Variants in ASTN2 observed in about 807,000 individuals in gnomAD.
The protein encoded by ASTN2 is astrotactin 2.
A neutral mutation model predicts 139.8 loss-of-function variants in ASTN2; 54 were observed. The ratio of observed to expected loss-of-function variants is 0.39; its 90% CI spans 0.31 to 0.48. The LOEUF (loss-of-function observed/expected upper bound fraction) is 0.48, where lower values mean the gene tolerates loss of function less well. Ranked by LOEUF, ASTN2 falls within the 20% of genes least tolerant of loss-of-function variation. ASTN2 has a pLI of 0.95. For missense variants in ASTN2, 1,565 were observed against 1,725.1 expected, an observed-to-expected ratio of 0.91 and a Z score of 1.64; for synonymous variants, 756 against 719.5, an observed-to-expected ratio of 1.05 and a Z score of -0.81.
chr9:116,435,362 A>T (rs1333250926), intron 22 of ASTN2, among the ~76,000 whole-genome samples: 1 of 152,210 alleles, frequency 6.6e-6, no homozygotes, highest in Non-Finnish European at 1.5e-5. Context: ...TGAAAGGCAG[A>T]GCAAATGTAT....
At chr9:116,492,533 G>A (rs1385927331) in intron 19 of ASTN2, among the ~76,000 whole-genome samples, 2 of 152,176 alleles carry the variant, frequency 1.3e-5, no homozygotes, top group Non-Finnish European at 2.9e-5. Context: ...AACAGGAGGA[G>A]ATTTGGAACA....
intron 10 of ASTN2, among the ~76,000 whole-genome samples, chr9:116,967,582 TGCACACATATGCACACATAACACGCATGC>T (rs1836050121): frequency 6.6e-6 from 1 of 152,228 alleles, no homozygotes; most frequent in African/African-American, 2.4e-5. Context: ...CTACAATGTG[TGCACACATATGCACACATAACACGCATGC>T]ACTCATTAAT....
chr9:116,453,929 C>T (rs1333394939), intron 20 of ASTN2, among the ~76,000 whole-genome samples: 1 of 152,194 alleles, frequency 6.6e-6, no homozygotes, highest in Admixed American at 6.5e-5. Context: ...ACAATTTACA[C>T]ACTAGGCACT....
At chr9:117,366,464 C>T (rs991255339) in intron 1 of ASTN2, among the ~76,000 whole-genome samples, 5 of 152,066 alleles carry the variant, frequency 3.3e-5, no homozygotes, top group African/African-American at 4.8e-5. Context: ...GGACTTTCTC[C>T]AAGATTACCC....
chr9:116,625,231 C>T (rs1350543988), intron 17 of ASTN2, among the ~76,000 whole-genome samples: 1 of 152,116 alleles, frequency 6.6e-6, no homozygotes, highest in African/African-American at 2.4e-5. Flanking sequence ...GAGTTCGAGA[C>T]CAGCCTGGCC....
At chr9:117,246,670 A>G (rs1833391655) in intron 2 of ASTN2, among the ~76,000 whole-genome samples, 1 of 152,214 alleles carries the variant, frequency 6.6e-6, no homozygotes, top group South Asian at 2.1e-4. Flanking sequence ...AAAGGAGAGT[A>G]TGGGGTGTCT....
intron 16 of ASTN2, among the ~76,000 whole-genome samples, chr9:116,690,747 C>CT (rs1249537266): frequency 2.0e-5 from 3 of 152,134 alleles, no homozygotes; most frequent in Non-Finnish European, 4.4e-5. Context: ...GGACAGGCTA[C>CT]TTTCTCTGAG....
chr9:116,509,673 G>A lies in ASTN2; in HGVS notation c.3356-22173C>T, dbSNP rs536479006. Among the ~76,000 whole-genome samples the A allele has an allele frequency of 8.7e-4, 130 of 150,270 alleles. 1 individual carries two copies. Among genetic ancestry groups the A allele is most frequent in the Non-Finnish European group, 1.5e-3 (99 of 66,918 alleles). ...CTCCACATCCTCTCCAGCACCTGTT[G>A]TTTTCTGACTTTTTAATGATTGCCA... is the stretch of plus-strand genomic sequence containing the variant. On this transcript the variant is annotated intron_variant, in intron 19 of 22. Coordinates refer to ENST00000313400, the MANE Select transcript of ASTN2 (RefSeq NM_001365068.1).
At chr9:116,657,973 C>T (rs1462439721) in intron 16 of ASTN2, among the ~76,000 whole-genome samples, 1 of 151,780 alleles carries the variant, frequency 6.6e-6, no homozygotes, top group Non-Finnish European at 1.5e-5. Context: ...CTGCAACCTC[C>T]ACCTCCTGGA....
chr9:117,388,738 C>A (rs1276653413), intron 1 of ASTN2, among the ~76,000 whole-genome samples: 1 of 152,134 alleles, frequency 6.6e-6, no homozygotes, highest in Non-Finnish European at 1.5e-5. Flanking sequence ...CTATTTGCAA[C>A]CTCATGTTAG....
chr9:116,463,771 G>C (rs1848564870), intron 20 of ASTN2, among the ~76,000 whole-genome samples: 1 of 152,110 alleles, frequency 6.6e-6, no homozygotes, highest in South Asian at 2.1e-4. Flanking sequence ...TACGCTGTGA[G>C]CTCCTGAAAG....
intron 10 of ASTN2, among the ~76,000 whole-genome samples, chr9:116,912,103 A>G (rs1257111961): frequency 6.6e-6 from 1 of 152,218 alleles, no homozygotes; most frequent in Non-Finnish European, 1.5e-5. Flanking sequence ...CCTCTATTCA[A>G]TGTGACTGTG....
At chr9:117,056,803 C>T (rs931462648) in intron 5 of ASTN2, among the ~76,000 whole-genome samples, 1 of 152,166 alleles carries the variant, frequency 6.6e-6, no homozygotes, top group African/African-American at 2.4e-5. Context: ...TTTCTTAACA[C>T]TGTGAATTTA....
chr9:116,542,619 T>C (rs1222849110), intron 19 of ASTN2, among the ~76,000 whole-genome samples: 1 of 152,200 alleles, frequency 6.6e-6, no homozygotes, highest in Non-Finnish European at 1.5e-5. Context: ...CATCAAAATG[T>C]TGTTTTAAGA....
chr9:116,927,757 A>G (rs1327563214), intron 10 of ASTN2, among the ~76,000 whole-genome samples: 1 of 152,036 alleles, frequency 6.6e-6, no homozygotes, highest in Non-Finnish European at 1.5e-5. Flanking sequence ...AAATTTTCTG[A>G]TGCATCTTTC....
chr9:117,040,039 A>G, intron 5 of ASTN2, 74 bp from the exon 6 acceptor site: 2 of 1,435,926 alleles, frequency 1.4e-6, no homozygotes, highest in Non-Finnish European at 9.3e-7. Context: ...AAGTTTGGGA[A>G]TTCTATTATT....
chr9:117,304,251 G>A (rs2130804344), intron 1 of ASTN2, among the ~76,000 whole-genome samples: 1 of 152,320 alleles, frequency 6.6e-6, no homozygotes. Flanking sequence ...ACTGGAAGAT[G>A]CCGCCTCCTT....
chr9:116,914,581 A>C (rs1326802), intron 10 of ASTN2, among the ~76,000 whole-genome samples: 1 of 147,232 alleles, frequency 6.8e-6, no homozygotes, highest in Non-Finnish European at 1.5e-5. Flanking sequence ...ATTTATATAT[A>C]TTTTTTTTTA....
At chr9:116,553,840 G>A (rs922198337) in intron 19 of ASTN2, among the ~76,000 whole-genome samples, 9 of 152,102 alleles carry the variant, frequency 5.9e-5, no homozygotes, top group Admixed American at 3.9e-4. Context: ...TCTGACCTTA[G>A]GCAAAAATTG....
Sources: gnomAD v4.1 joint callset for allele counts (sites outside exome capture counted in the v4.1 genomes callset) on GRCh38, gnomAD v4.1.1 for gene constraint, MANE v1.5 for transcripts, NCBI Gene and HGNC (gene_info 2026-07-23, HGNC 2026-07-21) for gene names.